L3MBTL1: variants seen among roughly 807,000 people sequenced by gnomAD.
L3MBTL1 encodes L3MBTL histone methyl-lysine binding protein 1.
A neutral mutation model predicts 105.3 loss-of-function variants in L3MBTL1; 75 were observed. That is an observed-to-expected ratio of 0.71 (90% CI 0.59 to 0.86). L3MBTL1 has a LOEUF of 0.86. Among genes scored for constraint, L3MBTL1 ranks in the 40% least tolerant of loss-of-function variants. The probability of loss-of-function intolerance (pLI) is 0.00; values close to 1 mark genes in which losing one functional copy is unlikely to be tolerated. For missense variants in L3MBTL1, 1,069 were observed against 1,126.4 expected (o/e 0.95, Z 0.73); for synonymous variants, 452 against 436.2 (o/e 1.04, Z -0.45).
intron 6 of L3MBTL1, 32 bp downstream of exon 6, chr20:43,515,447 A>G (rs1336011621): frequency 1.2e-5 from 18 of 1,546,252 alleles, no homozygotes; most frequent in Non-Finnish European, 1.6e-5. Context: ...AGGGAGGGGG[A>G]AGCTATAGCC....
chr20:43,528,362 G>T (rs1338116668), intron 7 of L3MBTL1, among the ~76,000 whole-genome samples: 1 of 152,192 alleles, frequency 6.6e-6, no homozygotes, highest in African/African-American at 2.4e-5. Context: ...GTCCCTCTGT[G>T]GCTGAGACTT....
At chr20:43,539,789 G>T in intron 19 of L3MBTL1, 1 of 349,104 alleles carries the variant, frequency 2.9e-6, no homozygotes, top group Admixed American at 3.9e-5. Context: ...GAGCTTGTTT[G>T]GATGTTAAGG....
At position 43,535,871 on chromosome 20, in the gene L3MBTL1, C is replaced by A. The variant is rs776216092; in HGVS notation, c.1860C>A (p.Gly620=). 1 of 1,611,312 alleles carries A rather than the reference C, an allele frequency of 6.2e-7. No individual in the cohort carries two copies. The highest frequency in any genetic ancestry group is 8.5e-7 in the Non-Finnish European group (1 of 1,178,786). ...PREPSSASPG[G]CPPLSYRSLP... The stretch of plus-strand genomic sequence containing the variant: ...AGCCCAGCTCTGCCTCCCCTGGGGG[C>A]TGTCCCCCTCTCAGCTATAGGAGCC... The change falls in exon 17 of 22, where the codon GGC becomes GGA. Residue 620 remains glycine (G), a synonymous_variant. Transcript: ENST00000418998.
Position 43,513,955 on chromosome 20 carries a change from C to G in L3MBTL1, c.254C>G (p.Thr85Ser). Residue 85 changes from threonine to serine, a missense_variant, in exon 3 of 22, where the codon ACC (threonine) becomes AGC (serine). By Grantham distance (58) the Thr-to-Ser change is moderately conservative. Transcript: ENST00000418998. Reference protein sequence around the residue: ...QVAGCEPVSATVLPQLSAGPA... With the variant: ...QVAGCEPVSASVLPQLSAGPA... ...GCCGGCTGCGAACCAGTTTCTGCCA[C>G]CGTCCTGCCGCAGCTTAGCGCCGGG... is the stretch of plus-strand genomic sequence containing the variant. The G allele has an allele frequency of 1.9e-6, 3 of 1,549,466 alleles. No homozygotes were observed. The highest frequency in any genetic ancestry group is 2.6e-6 in the Non-Finnish European group (3 of 1,146,982).
Position 43,520,327 on chromosome 20 carries a change from T to C in L3MBTL1, c.862+4150T>C, listed in dbSNP as rs189941116. Among the ~76,000 whole-genome samples, 26 of 152,366 alleles carry C rather than the reference T, an allele frequency of 1.7e-4. No homozygotes were observed. In the East Asian group the frequency reaches 4.8e-3, roughly 28 times the overall value. On this transcript the variant is annotated intron_variant, in intron 7 of 21. Coordinates refer to ENST00000418998, the MANE Select transcript of L3MBTL1 (RefSeq NM_001377303.1). ...ATGGACATATGGATTGCTTCTACTT[T>C]TGCGCTATTATGAATAATGCCAGTA...
chr20:43,533,597 C>G (rs986181832), intron 13 of L3MBTL1, among the ~76,000 whole-genome samples, 179 bp downstream of exon 13: 1 of 152,166 alleles, frequency 6.6e-6, no homozygotes, highest in African/African-American at 2.4e-5. Context: ...TTTTAGGAGA[C>G]TCCTGTCAAA....
Position 43,514,945 on chromosome 20 carries a change from G to A in L3MBTL1, c.503-64G>A, listed in dbSNP as rs557494355. Reference sequence around the variant, plus strand: ...AGGCGGAGGCAGGGCCTGAGGGGGCGTGGGCGGAGCCTGAGTGTGGCTGCG... The same window carrying A: ...AGGCGGAGGCAGGGCCTGAGGGGGCATGGGCGGAGCCTGAGTGTGGCTGCG... On this transcript the variant is annotated intron_variant, in intron 4 of 21. Transcript: ENST00000418998. 2.3e-5 allele frequency: 36 copies of A among 1,573,828 alleles called. 1 individual carries two copies. In the South Asian group the frequency reaches 2.7e-4, roughly 12 times the overall value.
rs988877499 is a variant in L3MBTL1, at chr20:43,533,401, C to T, written c.1496C>T (p.Pro499Leu). Residue 499 changes from proline to leucine, a missense_variant, in exon 13 of 22, where the codon CCC (proline) becomes CTC (leucine). Transcript: ENST00000418998. ...PVGWCQKQGKPLTPPQDYPDP... is the reference protein window; with the variant it reads ...PVGWCQKQGKLLTPPQDYPDP... ...GGCTGGTGCCAGAAGCAAGGAAAGC[C>T]CCTCACCCCTCCACAAGGTGACCCT... The T allele has an allele frequency of 6.2e-7, 1 of 1,613,366 alleles. No individual in the cohort carries two copies. Among genetic ancestry groups the T allele is most frequent in the Non-Finnish European group, 8.5e-7 (1 of 1,179,774 alleles).
chr20:43,545,872 A>G (rs1978564202), downstream of L3MBTL1, among the ~76,000 whole-genome samples: 1 of 152,108 alleles, frequency 6.6e-6, no homozygotes, highest in African/African-American at 2.4e-5. Flanking sequence ...GGACAGATAT[A>G]TGGGGTTCAT....
At position 43,514,006 on chromosome 20, in the gene L3MBTL1, T is replaced by C; in HGVS notation, c.305T>C (p.Val102Ala). 2 of 1,542,066 alleles carry C rather than the reference T, an allele frequency of 1.3e-6. No homozygotes were observed. ...CCGGCCAGCTCCAGCACCAGCACAG[T>C]GCGGCTTCTGGAATGGACAGAGGCC... ...AGPASSSTST[V>A]RLLEWTEAAA... The change falls in exon 3 of 22, where the codon GTG (valine) becomes GCG (alanine). Residue 102 changes from valine to alanine, a missense_variant. Val to Ala is a moderately conservative substitution (Grantham distance 64). Coordinates refer to ENST00000418998, the MANE Select transcript of L3MBTL1 (RefSeq NM_001377303.1).
chr20:43,535,209 T>G (rs1299442841), intron 16 of L3MBTL1, among the ~76,000 whole-genome samples: 2 of 152,092 alleles, frequency 1.3e-5, no homozygotes, highest in Non-Finnish European at 2.9e-5. Context: ...TCAGAGGTGG[T>G]CAGGCACCCA....
intron 1 of L3MBTL1, among the ~76,000 whole-genome samples, chr20:43,509,904 C>T (rs975537562): frequency 2.6e-5 from 4 of 152,238 alleles, no homozygotes; most frequent in African/African-American, 9.6e-5. Context: ...CATTTTGTCA[C>T]TCAGGCTGGA....
chr20:43,535,711 G>T (rs775008726), intron 16 of L3MBTL1, 126 bp from the exon 17 acceptor site: 13 of 629,616 alleles, frequency 2.1e-5, no homozygotes, highest in South Asian at 1.7e-4. Context: ...CACAGCCAAC[G>T]CAGGGCCCTC....
In L3MBTL1 at chr20:43,540,412, G is replaced by T; in HGVS notation, c.2331+104G>T. On this transcript the variant is annotated intron_variant, in intron 20 of 21. Coordinates refer to ENST00000418998, the MANE Select transcript of L3MBTL1 (RefSeq NM_001377303.1). ...TCAGGTAGAACCCGGTACCACTCCT[G>T]GCACTACCTCTTGCTCATCTGTCCT... is the stretch of plus-strand genomic sequence containing the variant. The T allele has an allele frequency of 3.1e-6, 4 of 1,296,922 alleles. No individual in the cohort carries two copies. The South Asian group carries it at 5.3e-5, about 17-fold the overall frequency. The allele number at this position is 1,296,922 out of a possible 1,614,324, so 80.3% of individuals were successfully genotyped here. A position where few individuals can be genotyped will look rare whatever the true frequency, so the allele number is the denominator to read the frequency against.
Position 43,515,355 on chromosome 20 carries a change from G to GA in L3MBTL1, c.719dup (p.Arg241GlufsTer35). 1 of 1,572,218 alleles carries GA rather than the reference G, an allele frequency of 6.4e-7. No homozygotes were observed. Among genetic ancestry groups the GA allele is most frequent in the Non-Finnish European group, 8.6e-7 (1 of 1,157,430 alleles). Reference sequence around the variant, plus strand: ...CTTCTGAGCTCCTCAAACCCATGAAGAAGAGGAAGCGCAGGGAATACCAGA... The same window carrying GA: ...CTTCTGAGCTCCTCAAACCCATGAAGAAAGAGGAAGCGCAGGGAATACCAGA... On this transcript the variant is annotated frameshift_variant, in exon 6 of 22. Coordinates refer to ENST00000418998, the MANE Select transcript of L3MBTL1 (RefSeq NM_001377303.1). LOFTEE classifies it high-confidence loss of function.
chr20:43,513,389 CAAAG>C (rs2018190591), intron 1 of L3MBTL1, 83 bp from the exon 2 acceptor site: 6 of 1,366,188 alleles, frequency 4.4e-6, no homozygotes, highest in Middle Eastern at 2.6e-4. Context: ...GCTAGCTTCT[CAAAG>C]AAGCCCCATC....
chr20:43,528,748 G>C lies in L3MBTL1; in HGVS notation c.951+3G>C. 1 of 1,611,026 alleles carries C rather than the reference G, an allele frequency of 6.2e-7. No individual in the cohort carries two copies. The highest frequency in any genetic ancestry group is 8.5e-7 in the Non-Finnish European group (1 of 1,177,158). On this transcript the variant is annotated splice_donor_region_variant and intron_variant, in intron 8 of 21. Coordinates refer to ENST00000418998, the MANE Select transcript of L3MBTL1 (RefSeq NM_001377303.1). ...CTCCAGTCAGCCTCTTCCAGGACGT[G>C]AGTTGGACAATTTCCCCGTAGGAAC...
chr20:43,541,729 G>A lies in L3MBTL1; in HGVS notation c.*601G>A, dbSNP rs1342807046. 3 of 794,830 alleles carry A rather than the reference G, an allele frequency of 3.8e-6. No homozygotes were observed. The highest frequency in any genetic ancestry group is 3.8e-5 in the African/African-American group (2 of 53,308). 49.2% of individuals were successfully genotyped at this position (794,830 alleles called of 1,614,324 possible). ...TCCACTATAATCTTATGGGACCATG[G>A]TTTTAAATGTGGAATCATTGACAGA... On this transcript the variant is annotated 3_prime_UTR_variant, in exon 22 of 22. Coordinates refer to ENST00000418998, the MANE Select transcript of L3MBTL1 (RefSeq NM_001377303.1).
chr20:43,522,878 G>T (rs2018807655), intron 7 of L3MBTL1, among the ~76,000 whole-genome samples: 1 of 150,558 alleles, frequency 6.6e-6, no homozygotes, highest in Admixed American at 6.6e-5. Context: ...CAAGGCAGGT[G>T]GATCACTTGA....
Sources: allele counts gnomAD v4.1 joint callset (sites outside exome capture counted in the v4.1 genomes callset), GRCh38; gene constraint gnomAD v4.1.1; transcripts MANE v1.5; gene names NCBI Gene and HGNC (gene_info 2026-07-23, HGNC 2026-07-21).